KHDRBS3: variants seen among roughly 807,000 people sequenced by gnomAD.
KHDRBS3 encodes the protein KH RNA binding domain containing, signal transduction associated 3.
KHDRBS3 carries 23 observed loss-of-function variants against 45.6 expected under a neutral mutation model. That is an observed-to-expected ratio of 0.50 (90% CI 0.36 to 0.72). The LOEUF is 0.72. KHDRBS3 is among the 30% of genes least tolerant of loss of function. The probability of loss-of-function intolerance (pLI) is 0.00; values close to 1 mark genes in which losing one functional copy is unlikely to be tolerated. For missense variants in KHDRBS3, 352 were observed against 424.8 expected, an observed-to-expected ratio of 0.83 and a Z score of 1.51; for synonymous variants, 162 against 156.5, an observed-to-expected ratio of 1.04 and a Z score of -0.26.
intron 6 of KHDRBS3, among the ~76,000 whole-genome samples, chr8:135,582,727 A>G (rs1261376223): frequency 6.6e-6 from 1 of 152,248 alleles, no homozygotes; most frequent in African/African-American, 2.4e-5. Flanking sequence ...AATAATTGAA[A>G]TTGTTAAAGT....
At chr8:135,494,628 C>G (rs749776282) in intron 1 of KHDRBS3, among the ~76,000 whole-genome samples, 1 of 146,840 alleles carries the variant, frequency 6.8e-6, no homozygotes, top group Non-Finnish European at 1.5e-5. Flanking sequence ...CAGTTGTCAG[C>G]TTAGATCATT....
chr8:135,479,188 C>A lies in KHDRBS3; in HGVS notation c.88+21234C>A, dbSNP rs550819788. Among the ~76,000 whole-genome samples the A allele has an allele frequency of 2.4e-4, 37 of 152,256 alleles. No individual in the cohort carries two copies. The South Asian group carries it at 7.7e-3, about 32-fold the overall frequency. The stretch of plus-strand genomic sequence containing the variant: ...AAAGGATTATAGGGAATACTATGAA[C>A]AACTATATGCTAATAAATTAGATAC... On this transcript the variant is annotated intron_variant, in intron 1 of 8. Coordinates refer to ENST00000355849, the MANE Select transcript of KHDRBS3 (RefSeq NM_006558.3).
intron 2 of KHDRBS3, among the ~76,000 whole-genome samples, chr8:135,527,401 G>A (rs140109797): frequency 4.9e-4 from 75 of 152,300 alleles, no homozygotes; most frequent in Non-Finnish European, 8.4e-4. Flanking sequence ...TGGTGACAGA[G>A]GAGCACTATA....
intron 5 of KHDRBS3, 148 bp downstream of exon 5, chr8:135,557,735 T>G: frequency 4.6e-6 from 3 of 656,188 alleles, no homozygotes; most frequent in Non-Finnish European, 8.0e-6. Context: ...TACTCGGGAA[T>G]CTGAGGCCAG....
chr8:135,497,189 T>C (rs945075587), intron 1 of KHDRBS3, among the ~76,000 whole-genome samples: 8 of 152,206 alleles, frequency 5.3e-5, no homozygotes, highest in Admixed American at 3.9e-4. Flanking sequence ...AGACTAGCCC[T>C]TAGAGCCCAT....
intron 2 of KHDRBS3, among the ~76,000 whole-genome samples, chr8:135,525,484 A>C (rs1825135770): frequency 6.6e-6 from 1 of 152,110 alleles, no homozygotes; most frequent in African/African-American, 2.4e-5. Flanking sequence ...TGAAGTCATA[A>C]CTTTCTTTCA....
intron 7 of KHDRBS3, among the ~76,000 whole-genome samples, chr8:135,641,438 A>T (rs1719462800): frequency 6.6e-6 from 1 of 152,198 alleles, no homozygotes; most frequent in South Asian, 2.1e-4. Flanking sequence ...ATTCTCAAGA[A>T]CATCAAGGTT....
chr8:135,628,536 A>T (rs1319590082), intron 7 of KHDRBS3, among the ~76,000 whole-genome samples: 1 of 152,264 alleles, frequency 6.6e-6, no homozygotes, highest in African/African-American at 2.4e-5. Flanking sequence ...GATAAATTGC[A>T]TAGAATACAT....
intron 1 of KHDRBS3, among the ~76,000 whole-genome samples, chr8:135,467,441 T>C (rs1821753789): frequency 6.6e-6 from 1 of 152,258 alleles, no homozygotes; most frequent in Admixed American, 6.5e-5. Context: ...TTTTGTCTTT[T>C]ACAGGACCCA....
chr8:135,634,449 A>G (rs1830727855), intron 7 of KHDRBS3, among the ~76,000 whole-genome samples: 1 of 152,204 alleles, frequency 6.6e-6, no homozygotes, highest in Admixed American at 6.5e-5. Context: ...TGATTAAACT[A>G]TAAATTTGGT....
At chr8:135,628,759 A>G (rs556977866) in intron 7 of KHDRBS3, among the ~76,000 whole-genome samples, 2 of 152,274 alleles carry the variant, frequency 1.3e-5, no homozygotes, top group East Asian at 3.9e-4. Context: ...CCTCTGAGTA[A>G]TCTGTCTTCC....
intron 2 of KHDRBS3, among the ~76,000 whole-genome samples, chr8:135,523,035 G>T (rs1824997017): frequency 6.6e-6 from 1 of 152,164 alleles, no homozygotes; most frequent in Non-Finnish European, 1.5e-5. Context: ...CCTTATGCCA[G>T]TACCACACTG....
intron 6 of KHDRBS3, among the ~76,000 whole-genome samples, chr8:135,592,641 CCT>C (rs1333107245): frequency 6.6e-6 from 1 of 152,042 alleles, no homozygotes; most frequent in African/African-American, 2.4e-5. Context: ...TTCTGTCTAC[CCT>C]CTGAGTTCTT....
At chr8:135,587,357 G>C (rs1254400675) in intron 6 of KHDRBS3, among the ~76,000 whole-genome samples, 1 of 152,162 alleles carries the variant, frequency 6.6e-6, no homozygotes, top group Non-Finnish European at 1.5e-5. Context: ...GAGTAGGATA[G>C]TCTAGCCATT....
At chr8:135,536,082 G>A (rs548865771) in intron 2 of KHDRBS3, among the ~76,000 whole-genome samples, 1 of 152,016 alleles carries the variant, frequency 6.6e-6, no homozygotes, top group South Asian at 2.1e-4. Context: ...TTCTAATTGG[G>A]TGGTTTCCAG....
downstream of KHDRBS3, among the ~76,000 whole-genome samples, chr8:135,649,563 C>G (rs1831386322): frequency 6.6e-6 from 1 of 151,998 alleles, no homozygotes; most frequent in South Asian, 2.1e-4. Flanking sequence ...GTAGACCAAA[C>G]TAAGTTTATT....
chr8:135,592,320 T>C (rs754326844), intron 6 of KHDRBS3, among the ~76,000 whole-genome samples: 29 of 151,562 alleles, frequency 1.9e-4, no homozygotes, highest in Non-Finnish European at 4.1e-4. Flanking sequence ...AGCTCTAAAA[T>C]GAAAATGTCA....
chr8:135,638,409 G>C (rs1038521449), intron 7 of KHDRBS3, among the ~76,000 whole-genome samples: 2 of 152,148 alleles, frequency 1.3e-5, no homozygotes, highest in African/African-American at 4.8e-5. Context: ...GAAGAAGCCT[G>C]TTTTAAATAA....
chr8:135,470,977 C>A (rs181395648), intron 1 of KHDRBS3, among the ~76,000 whole-genome samples: 111 of 152,288 alleles, frequency 7.3e-4, no homozygotes, highest in African/African-American at 2.6e-3. Flanking sequence ...GTAAAATGGT[C>A]ATGAGAGAAT....
Sources: gnomAD v4.1 joint callset for allele counts (sites outside exome capture counted in the v4.1 genomes callset) on GRCh38, gnomAD v4.1.1 for gene constraint, MANE v1.5 for transcripts, NCBI Gene and HGNC (gene_info 2026-07-23, HGNC 2026-07-21) for gene names.